The following PCBP3 variants were observed in gnomAD, a reference collection of about 807,000 sequenced individuals.
The protein encoded by PCBP3 is poly(rC) binding protein 3.
In PCBP3, 25 loss-of-function variants were observed where a neutral mutation model predicts 52.7. The observed-to-expected ratio is 0.47, with a 90% CI of 0.35 to 0.66. The LOEUF (loss-of-function observed/expected upper bound fraction) is 0.66, where lower values mean the gene tolerates loss of function less well. Ranked by LOEUF, PCBP3 falls within the 30% of genes least tolerant of loss-of-function variation. PCBP3 has a pLI of 0.01. For missense variants in PCBP3, 391 were observed against 490.3 expected, an observed-to-expected ratio of 0.80 and a Z score of 1.91; for synonymous variants, 162 against 183.0, an observed-to-expected ratio of 0.89 and a Z score of 0.93.
chr21:45,900,774 G>A lies in PCBP3; in HGVS notation c.222+151G>A, dbSNP rs1046116180. Reference sequence around the variant, plus strand: ...GCGGGGCCTCTTTTCCCCTACTCAGGCCTCCTGTGCTCCCCTGTGGGGAAG... The same window carrying A: ...GCGGGGCCTCTTTTCCCCTACTCAGACCTCCTGTGCTCCCCTGTGGGGAAG... On this transcript the variant is annotated intron_variant, in intron 8 of 17. Coordinates refer to ENST00000681687, the MANE Select transcript of PCBP3 (RefSeq NM_001384156.1). 79 of 707,174 alleles carry A rather than the reference G, an allele frequency of 1.1e-4. No homozygotes were observed. The African/African-American group carries it at 1.2e-3, about 11-fold the overall frequency. 43.8% of individuals were successfully genotyped at this position (707,174 alleles called of 1,614,324 possible).
chr21:45,935,326 T>C (rs3827269), intron 16 of PCBP3, 21 bp downstream of exon 16: 32,465 of 1,587,504 alleles, frequency 0.02, 1,889 homozygotes, highest in African/African-American at 0.18. Flanking sequence ...CCGCTGTACC[T>C]GCCTGTCCCT....
rs931728857 is a variant in PCBP3, at chr21:45,887,839, C to T, written c.11-8369C>T. Among the ~76,000 whole-genome samples, 4 of 152,182 alleles carry T rather than the reference C, an allele frequency of 2.6e-5. No homozygotes were observed. In the East Asian group the frequency reaches 7.7e-4, roughly 29 times the overall value. On this transcript the variant is annotated intron_variant, in intron 5 of 17. Coordinates refer to ENST00000681687, the MANE Select transcript of PCBP3 (RefSeq NM_001384156.1). ...TAAGCTTCCCGGAGAGCCCTGGCTT[C>T]GTGACGACCTCACTGTTGTCACAGC...
intron 5 of PCBP3, chr21:45,873,469 A>C (rs1019194498): frequency 6.6e-6 from 1 of 151,986 alleles, no homozygotes; most frequent in Non-Finnish European, 1.5e-5. Context: ...GGTGTCTGAA[A>C]ACTCTGCCCT....
intron 4 of PCBP3, among the ~76,000 whole-genome samples, chr21:45,840,317 C>A (rs1044869392): frequency 6.6e-6 from 1 of 151,436 alleles, no homozygotes; most frequent in African/African-American, 2.4e-5. Context: ...ATTAGCCAGG[C>A]ATGGTGGCGG....
At chr21:45,871,555 G>C (rs2095022387) in intron 5 of PCBP3, 1 of 152,590 alleles carries the variant, frequency 6.6e-6, no homozygotes, top group African/African-American at 2.4e-5. Flanking sequence ...TTGCAGCCTG[G>C]GCAGGGGCGT....
chr21:45,669,363 T>A (rs2081001332), intron 2 of PCBP3, among the ~76,000 whole-genome samples: 1 of 152,190 alleles, frequency 6.6e-6, no homozygotes, highest in Non-Finnish European at 1.5e-5. Flanking sequence ...AAACTGTTAC[T>A]TTTTGTAGCT....
At position 45,741,769 on chromosome 21, in the gene PCBP3, A is replaced by G. The variant is rs752589947; in HGVS notation, c.-162+6340A>G. Among the ~76,000 whole-genome samples, 1 of 152,212 alleles carries G rather than the reference A, an allele frequency of 6.6e-6. No individual in the cohort carries two copies. Among genetic ancestry groups the G allele is most frequent in the Non-Finnish European group, 1.5e-5 (1 of 68,028 alleles). On this transcript the variant is annotated intron_variant, in intron 3 of 17. Transcript: ENST00000681687. The surrounding 1 kb of genome is among the most constrained non-coding windows in gnomAD (Gnocchi z 4.5). ...TTGCTTGCCCTGCTCCTGCCAGGGC[A>G]GACTTCCACTGCCCTTGCCCTCTGG...
chr21:45,704,312 A>G lies in PCBP3; in HGVS notation c.-199-31080A>G, dbSNP rs1569134437. 6.6e-6 allele frequency among the ~76,000 whole-genome samples: 1 copy of G among 152,124 alleles called. No homozygotes were observed. Among genetic ancestry groups the G allele is most frequent in the Non-Finnish European group, 1.5e-5 (1 of 68,008 alleles). On this transcript the variant is annotated intron_variant, in intron 2 of 17. Coordinates refer to ENST00000681687, the MANE Select transcript of PCBP3 (RefSeq NM_001384156.1). This position sits in a 1 kb window ranked among gnomAD's most constrained non-coding sequence, Gnocchi z 4.1. ...CTGGGGTGGAGCAGAGCCCTCAGGA[A>G]TGAGGGGAGTTGACATAGTTTGTCT... is the stretch of plus-strand genomic sequence containing the variant.
chr21:45,838,317 G>T (rs1180764830), intron 4 of PCBP3, among the ~76,000 whole-genome samples: 1 of 152,038 alleles, frequency 6.6e-6, no homozygotes, highest in Admixed American at 6.6e-5. Context: ...GCCTTCTGTC[G>T]TATGTGTTCC....
intron 4 of PCBP3, among the ~76,000 whole-genome samples, chr21:45,825,380 G>A (rs1258464233): frequency 1.3e-5 from 2 of 152,166 alleles, no homozygotes; most frequent in African/African-American, 4.8e-5. Context: ...AATGAGGCAA[G>A]GGAGAGTGTC....
At chr21:45,705,749 T>A (rs752467560) in intron 2 of PCBP3, among the ~76,000 whole-genome samples, 1 of 152,104 alleles carries the variant, frequency 6.6e-6, no homozygotes, top group Non-Finnish European at 1.5e-5. Context: ...TTTTTCCCCC[T>A]CTCAGCCTTT....
intron 9 of PCBP3, among the ~76,000 whole-genome samples, chr21:45,903,816 A>G (rs780895056): frequency 4.9e-4 from 75 of 152,196 alleles, no homozygotes; most frequent in Non-Finnish European, 9.6e-4. Context: ...GTCTGAGATC[A>G]GCCGTCTGTT....
intron 7 of PCBP3, among the ~76,000 whole-genome samples, chr21:45,900,028 C>T (rs990711279): frequency 6.6e-6 from 1 of 152,168 alleles, no homozygotes; most frequent in African/African-American, 2.4e-5. Context: ...CAGGGCTGGC[C>T]CGGGGGAAGT....
At chr21:45,783,607 G>A (rs1262845579) in intron 4 of PCBP3, among the ~76,000 whole-genome samples, 1 of 152,198 alleles carries the variant, frequency 6.6e-6, no homozygotes, top group East Asian at 1.9e-4. Flanking sequence ...TTAGGGTGAG[G>A]ACGGGATTTT....
chr21:45,776,492 C>T (rs961314381), intron 4 of PCBP3, among the ~76,000 whole-genome samples: 3 of 149,874 alleles, frequency 2.0e-5, no homozygotes, highest in East Asian at 2.0e-4. Flanking sequence ...CTCTCTCTCT[C>T]TGTCTGTCTC....
At chr21:45,797,554 T>G (rs2146576240) in intron 4 of PCBP3, among the ~76,000 whole-genome samples, 1 of 151,640 alleles carries the variant, frequency 6.6e-6, no homozygotes, top group African/African-American at 2.4e-5. Context: ...GATGGACAGA[T>G]GCATGGATCC....
chr21:45,816,505 C>CCCTCT, intron 4 of PCBP3, among the ~76,000 whole-genome samples: 1 of 73,352 alleles, frequency 1.4e-5, no homozygotes, highest in Non-Finnish European at 2.8e-5. Context: ...CTTCCCCCTC[C>CCCTCT]CCTCCCCTCC....
At chr21:45,684,981 C>T (rs1353752110) in intron 2 of PCBP3, among the ~76,000 whole-genome samples, 1 of 152,208 alleles carries the variant, frequency 6.6e-6, no homozygotes, top group Non-Finnish European at 1.5e-5. Context: ...CCCTGCCACT[C>T]TGCTACAGAA....
chr21:45,795,353 TTC>T (rs145062644), intron 4 of PCBP3, among the ~76,000 whole-genome samples: 1 of 150,936 alleles, frequency 6.6e-6, no homozygotes. Context: ...TTTCTTTACC[TTC>T]TCTCTCTCTC....
Sources: gnomAD v4.1 joint callset for allele counts (sites outside exome capture counted in the v4.1 genomes callset) on GRCh38, gnomAD v4.1.1 for gene constraint, Gnocchi (gnomAD v3.1) non-coding constraint, MANE v1.5 for transcripts, NCBI Gene and HGNC (gene_info 2026-07-23, HGNC 2026-07-21) for gene names.